The following TNR variants were observed in gnomAD, a reference collection of about 807,000 sequenced individuals.
The protein encoded by TNR is tenascin-R.
TNR carries 45 observed loss-of-function variants against 150.4 expected under a neutral mutation model. That is an observed-to-expected ratio of 0.30 (90% CI 0.24 to 0.38). The LOEUF is 0.38. Among genes scored for constraint, TNR ranks in the 10% least tolerant of loss-of-function variants. The probability of loss-of-function intolerance (pLI) is 1.00; values close to 1 mark genes in which losing one functional copy is unlikely to be tolerated. For missense variants in TNR, 1,544 were observed against 1,759.1 expected (o/e 0.88, Z 2.19); for synonymous variants, 687 against 678.4 (o/e 1.01, Z -0.20).
chr1:175,563,393 T>C (rs1661507859), intron 1 of TNR, among the ~76,000 whole-genome samples: 1 of 152,182 alleles, frequency 6.6e-6, no homozygotes, highest in Non-Finnish European at 1.5e-5. Context: ...AAACTAGCAA[T>C]CCCCACGAAA....
At chr1:175,567,690 C>T (rs906331595) in intron 1 of TNR, among the ~76,000 whole-genome samples, 1 of 152,050 alleles carries the variant, frequency 6.6e-6, no homozygotes, top group African/African-American at 2.4e-5. Context: ...CCCTGTATGC[C>T]CTGCACAAGC....
intron 1 of TNR, among the ~76,000 whole-genome samples, chr1:175,583,655 A>G (rs887457321): frequency 1.3e-5 from 2 of 152,160 alleles, no homozygotes; most frequent in African/African-American, 4.8e-5. Flanking sequence ...ACCTTAGTGG[A>G]AACAAGCAAG....
chr1:175,579,488 C>T (rs566702867), intron 1 of TNR, among the ~76,000 whole-genome samples: 2 of 151,706 alleles, frequency 1.3e-5, no homozygotes, highest in African/African-American at 2.4e-5. Context: ...AAATGAAGGG[C>T]ACATTTGGGC....
chr1:175,436,380 C>A (rs1655508961), intron 2 of TNR, among the ~76,000 whole-genome samples: 1 of 152,178 alleles, frequency 6.6e-6, no homozygotes, highest in South Asian at 2.1e-4. Context: ...TGCTTCATTT[C>A]ATTCATTTCA....
intron 1 of TNR, among the ~76,000 whole-genome samples, chr1:175,673,700 A>C (rs548479445): frequency 2.6e-5 from 4 of 152,266 alleles, no homozygotes; most frequent in Non-Finnish European, 5.9e-5. Flanking sequence ...TCATCCAGAC[A>C]GAACAAGACA....
intron 2 of TNR, among the ~76,000 whole-genome samples, chr1:175,453,587 G>T (rs1318773249): frequency 6.6e-6 from 1 of 151,918 alleles, no homozygotes; most frequent in Non-Finnish European, 1.5e-5. Context: ...CAGAGACAAG[G>T]CATCTCTCTG....
chr1:175,400,797 C>T (rs895755107), intron 4 of TNR, among the ~76,000 whole-genome samples: 11 of 152,158 alleles, frequency 7.2e-5, no homozygotes, highest in African/African-American at 1.7e-4. Context: ...CGGCCAGGAA[C>T]GTCAAACAGT....
At chr1:175,347,648 G>A (rs984974240) in intron 18 of TNR, among the ~76,000 whole-genome samples, 1 of 151,888 alleles carries the variant, frequency 6.6e-6, no homozygotes, top group Non-Finnish European at 1.5e-5. Context: ...GGCTGTTTTC[G>A]ACCACCTGAC....
intron 12 of TNR, among the ~76,000 whole-genome samples, chr1:175,364,292 C>T (rs1651735552): frequency 6.6e-6 from 1 of 150,566 alleles, no homozygotes; most frequent in South Asian, 2.1e-4. Flanking sequence ...AGAACAAATC[C>T]ATTTTCCTAA....
intron 2 of TNR, among the ~76,000 whole-genome samples, chr1:175,469,996 G>A (rs1351903819): frequency 2.0e-5 from 3 of 152,068 alleles, no homozygotes; most frequent in Non-Finnish European, 4.4e-5. Flanking sequence ...TCACTTGATG[G>A]GGGCCAGGGA....
At chr1:175,699,858 C>T (rs1666636041) in intron 1 of TNR, among the ~76,000 whole-genome samples, 1 of 152,078 alleles carries the variant, frequency 6.6e-6, no homozygotes, top group Non-Finnish European at 1.5e-5. Context: ...AGCTTGTGTG[C>T]ATTTCCAAGA....
intron 1 of TNR, among the ~76,000 whole-genome samples, chr1:175,637,962 C>T (rs1031025478): frequency 5.3e-5 from 8 of 152,102 alleles, no homozygotes; most frequent in Admixed American, 3.9e-4. Flanking sequence ...TCCTTCTCCC[C>T]ACCCCCATCT....
intron 1 of TNR, among the ~76,000 whole-genome samples, chr1:175,593,444 T>C (rs768847790): frequency 6.6e-6 from 1 of 152,130 alleles, no homozygotes; most frequent in African/African-American, 2.4e-5. Flanking sequence ...AGTGAGAATA[T>C]AGAGACCCCT....
At chr1:175,516,726 T>C (rs148799599) in intron 2 of TNR, among the ~76,000 whole-genome samples, 1 of 152,268 alleles carries the variant, frequency 6.6e-6, no homozygotes, top group Non-Finnish European at 1.5e-5. Context: ...ATTTAAGAGT[T>C]TGAGTCGGAG....
At chr1:175,542,806 A>G (rs568715179) in intron 1 of TNR, among the ~76,000 whole-genome samples, 1 of 152,244 alleles carries the variant, frequency 6.6e-6, no homozygotes, top group African/African-American at 2.4e-5. Context: ...CTCTTTTTTC[A>G]ACTAAAACTT....
chr1:175,553,372 C>A (rs1661018953), intron 1 of TNR, among the ~76,000 whole-genome samples: 1 of 152,152 alleles, frequency 6.6e-6, no homozygotes, highest in African/African-American at 2.4e-5. Context: ...ATCACAGCAT[C>A]CAGTGTTATG....
Position 175,470,499 on chromosome 1 carries a change from A to T in TNR, c.-64+57770T>A, listed in dbSNP as rs150433682. 3.6e-3 allele frequency among the ~76,000 whole-genome samples: 545 copies of T among 152,108 alleles called. 4 individuals are homozygous for T. The highest frequency in any genetic ancestry group is 0.013 in the African/African-American group (522 of 41,482). On this transcript the variant is annotated intron_variant, in intron 2 of 22. Coordinates refer to ENST00000367674, the MANE Select transcript of TNR (RefSeq NM_003285.3). The stretch of plus-strand genomic sequence containing the variant: ...CCCTTTATGTTATTTTAAATTTTTA[A>T]TTGTTTAATTTTTAACAATTTTTGT...
intron 1 of TNR, among the ~76,000 whole-genome samples, chr1:175,647,057 G>A (rs1407685811): frequency 1.3e-5 from 2 of 152,242 alleles, no homozygotes; most frequent in African/African-American, 4.8e-5. Flanking sequence ...GGACAGAGGA[G>A]TTCGGAGAGC....
At chr1:175,455,746 T>C (rs973533970) in intron 2 of TNR, among the ~76,000 whole-genome samples, 1 of 152,162 alleles carries the variant, frequency 6.6e-6, no homozygotes, top group Non-Finnish European at 1.5e-5. Flanking sequence ...GCAATGATCT[T>C]GGAAATAGTT....
Sources: gnomAD v4.1 joint callset for allele counts (sites outside exome capture counted in the v4.1 genomes callset) on GRCh38, gnomAD v4.1.1 for gene constraint, MANE v1.5 for transcripts, NCBI Gene and HGNC (gene_info 2026-07-23, HGNC 2026-07-21) for gene names.